The following LRRC4C variants were observed in gnomAD, a reference collection of about 807,000 sequenced individuals.
The protein encoded by LRRC4C is leucine-rich repeat-containing protein 4C.
In LRRC4C, 5 loss-of-function variants were observed where a neutral mutation model predicts 33.6. The observed-to-expected ratio is 0.15, with a 90% CI of 0.08 to 0.31. The LOEUF (loss-of-function observed/expected upper bound fraction) is 0.31, where lower values mean the gene tolerates loss of function less well. Ranked by LOEUF, LRRC4C falls within the 10% of genes least tolerant of loss-of-function variation. LRRC4C has a pLI of 1.00. For synonymous variants in LRRC4C, 329 were observed against 302.0 expected (o/e 1.09, Z -0.93); for missense variants, 560 against 796.7 (o/e 0.70, Z 3.58).
chr11:41,046,839 T>C (rs746177715), intron 1 of LRRC4C, among the ~76,000 whole-genome samples: 3 of 152,108 alleles, frequency 2.0e-5, no homozygotes, highest in Non-Finnish European at 4.4e-5. Flanking sequence ...GAAAGCTAAG[T>C]AGTCTAACAA....
At position 40,968,263 on chromosome 11, in the gene LRRC4C, G is replaced by A. The variant is rs558575729; in HGVS notation, c.-495-34540C>T. ...TATAAAGACTAAGAGAGTTGAAGAA[G>A]CTGCAGAAGAAAAATAGGAAGCTAG... is the stretch of plus-strand genomic sequence containing the variant. On this transcript the variant is annotated intron_variant, in intron 1 of 6. Coordinates refer to ENST00000528697, the MANE Select transcript of LRRC4C (RefSeq NM_001258419.2). Among the ~76,000 whole-genome samples the A allele has an allele frequency of 1.2e-3, 184 of 152,180 alleles. 1 individual carries two copies. Among genetic ancestry groups the A allele is most frequent in the Middle Eastern group, 6.8e-3 (2 of 294 alleles).
At chr11:41,294,509 C>G (rs1316896897) in intron 1 of LRRC4C, among the ~76,000 whole-genome samples, 2 of 152,054 alleles carry the variant, frequency 1.3e-5, no homozygotes, top group Non-Finnish European at 2.9e-5. Context: ...ATGATTTGTC[C>G]TAAAGAAAGA....
At chr11:40,824,378 T>C (rs1952069957) in intron 2 of LRRC4C, among the ~76,000 whole-genome samples, 1 of 151,894 alleles carries the variant, frequency 6.6e-6, no homozygotes, top group Non-Finnish European at 1.5e-5. Flanking sequence ...TAAAAGTTAT[T>C]AAAATTAAAA....
intron 1 of LRRC4C, among the ~76,000 whole-genome samples, chr11:41,238,184 T>G (rs1325955112): frequency 6.6e-6 from 1 of 152,206 alleles, no homozygotes; most frequent in Admixed American, 6.5e-5. Flanking sequence ...CTTTTCTCCA[T>G]TATTTACTCC....
At chr11:40,757,188 G>C (rs1023224441) in intron 2 of LRRC4C, among the ~76,000 whole-genome samples, 1 of 151,872 alleles carries the variant, frequency 6.6e-6, no homozygotes, top group African/African-American at 2.4e-5. Flanking sequence ...ATATTTTACA[G>C]TGAATGGAAT....
chr11:40,962,751 A>C (rs1426755712), intron 1 of LRRC4C, among the ~76,000 whole-genome samples: 1 of 151,770 alleles, frequency 6.6e-6, no homozygotes, highest in Non-Finnish European at 1.5e-5. Context: ...ATCCCAAAAA[A>C]GAACAACTCA....
intron 1 of LRRC4C, among the ~76,000 whole-genome samples, chr11:41,018,895 T>C (rs977923648): frequency 6.6e-6 from 1 of 152,122 alleles, no homozygotes; most frequent in Non-Finnish European, 1.5e-5. Flanking sequence ...GATATTGAGG[T>C]GCAATTTATA....
intron 3 of LRRC4C, among the ~76,000 whole-genome samples, chr11:40,556,638 G>C (rs767411524): frequency 3.2e-4 from 49 of 152,098 alleles, no homozygotes; most frequent in Non-Finnish European, 1.8e-4. Flanking sequence ...TGATCTACCA[G>C]GCAGTTCTGG....
intron 1 of LRRC4C, among the ~76,000 whole-genome samples, chr11:41,110,131 A>C (rs1941745592): frequency 6.6e-6 from 1 of 152,036 alleles, no homozygotes; most frequent in Non-Finnish European, 1.5e-5. Flanking sequence ...TTAAGTGGAT[A>C]GATTTGGAAT....
chr11:40,595,701 C>T (rs7927788), intron 3 of LRRC4C, among the ~76,000 whole-genome samples: 34,527 of 151,824 alleles, frequency 0.23, 4,237 homozygotes, highest in East Asian at 0.5. Context: ...TCCATTCAAA[C>T]GCCTATCTTT....
rs1031597882 is a variant in LRRC4C, at chr11:40,430,332, A to T, written c.-269-110611T>A. Among the ~76,000 whole-genome samples the T allele has an allele frequency of 2.0e-5, 3 of 152,120 alleles. No homozygotes were observed. The East Asian group carries it at 5.8e-4, about 29-fold the overall frequency. ...TCCTAGAAGAAAGTTTTCTGATGGA[A>T]AAGCAGTATAGAAGATTGGTGAAGG... On this transcript the variant is annotated intron_variant, in intron 3 of 6. Transcript: ENST00000528697.
chr11:40,449,541 G>A (rs1412425662), intron 3 of LRRC4C, among the ~76,000 whole-genome samples: 2 of 152,126 alleles, frequency 1.3e-5, no homozygotes, highest in African/African-American at 2.4e-5. Context: ...AGGGAAAACC[G>A]AGGCCCCCAA....
chr11:40,888,995 G>A (rs895661977), intron 2 of LRRC4C, among the ~76,000 whole-genome samples: 1 of 151,902 alleles, frequency 6.6e-6, no homozygotes, highest in Non-Finnish European at 1.5e-5. Context: ...TATATAAAGG[G>A]TCCTTCCTTC....
At chr11:40,993,926 A>G (rs1168212844) in intron 1 of LRRC4C, among the ~76,000 whole-genome samples, 1 of 152,134 alleles carries the variant, frequency 6.6e-6, no homozygotes. Flanking sequence ...AGTGATCTCA[A>G]TAGCAAGAAA....
At chr11:41,390,821 T>C (rs1347761596) in intron 1 of LRRC4C, among the ~76,000 whole-genome samples, 1 of 151,868 alleles carries the variant, frequency 6.6e-6, no homozygotes, top group Non-Finnish European at 1.5e-5. Flanking sequence ...CATAGCTTCA[T>C]GTGGGCAAGG....
chr11:41,401,485 G>A (rs1954024247), intron 1 of LRRC4C, among the ~76,000 whole-genome samples: 2 of 151,848 alleles, frequency 1.3e-5, no homozygotes, highest in Non-Finnish European at 2.9e-5. Context: ...GCAAGGTCCT[G>A]GCTCTCATAG....
intron 1 of LRRC4C, among the ~76,000 whole-genome samples, chr11:41,055,726 C>T (rs987419388): frequency 2.6e-5 from 4 of 152,152 alleles, no homozygotes; most frequent in Non-Finnish European, 4.4e-5. Context: ...TGTGGGATAA[C>T]ATTCTTTACA....
At chr11:40,964,778 C>T (rs1164575575) in intron 1 of LRRC4C, among the ~76,000 whole-genome samples, 2 of 151,728 alleles carry the variant, frequency 1.3e-5, no homozygotes, top group African/African-American at 4.8e-5. Context: ...CATTGTTGGA[C>T]ATTTGGGTTG....
chr11:41,412,134 G>C (rs1666014070), intron 1 of LRRC4C, among the ~76,000 whole-genome samples: 1 of 152,122 alleles, frequency 6.6e-6, no homozygotes, highest in Non-Finnish European at 1.5e-5. Context: ...AGTAGGAGGT[G>C]CTCCTTACAA....
Sources: gnomAD v4.1 joint callset for allele counts (sites outside exome capture counted in the v4.1 genomes callset) on GRCh38, gnomAD v4.1.1 for gene constraint, MANE v1.5 for transcripts, NCBI Gene and HGNC (gene_info 2026-07-23, HGNC 2026-07-21) for gene names.